DLGAP1: variants seen among roughly 807,000 people sequenced by gnomAD.
DLGAP1 encodes DLG associated protein 1, also known as disks large-associated protein 1.
A neutral mutation model predicts 90.8 loss-of-function variants in DLGAP1; 11 were observed. The observed-to-expected ratio is 0.12, with a 90% CI of 0.08 to 0.20. The LOEUF (loss-of-function observed/expected upper bound fraction) is 0.20. Among genes scored for constraint, DLGAP1 ranks in the 10% least tolerant of loss-of-function variants. DLGAP1 has a pLI of 1.00. For missense variants in DLGAP1, 1,050 were observed against 1,333.8 expected (o/e 0.79, Z 3.31); for synonymous variants, 558 against 540.7 (o/e 1.03, Z -0.44).
chr18:4,139,361 T>C (rs1485988138), intron 2 of DLGAP1, among the ~76,000 whole-genome samples: 1 of 152,030 alleles, frequency 6.6e-6, no homozygotes, highest in Non-Finnish European at 1.5e-5. Flanking sequence ...AATTTTCTTC[T>C]CAATTTCTTC....
intron 4 of DLGAP1, chr18:3,822,083 C>T: frequency 2.7e-6 from 2 of 748,570 alleles, no homozygotes; most frequent in South Asian, 1.2e-4. Context: ...GTGCAGATCC[C>T]TAGGCATGAT....
intron 3 of DLGAP1, among the ~76,000 whole-genome samples, chr18:3,880,944 G>GAAAAAAAAAAAAAA (rs1173817359): frequency 1.6e-3 from 60 of 38,028 alleles, no homozygotes; most frequent in Middle Eastern, 0.021. Flanking sequence ...CTCCATCTCA[G>GAAAAAAAAAAAAAA]AAAAAAAAAA....
chr18:3,918,081 T>C (rs183636151), intron 3 of DLGAP1, among the ~76,000 whole-genome samples: 15 of 152,302 alleles, frequency 9.8e-5, no homozygotes, highest in African/African-American at 3.4e-4. Flanking sequence ...CTAGAGGATC[T>C]TATATAGAAG....
chr18:4,028,931 A>G (rs924609113), intron 2 of DLGAP1, among the ~76,000 whole-genome samples: 3 of 152,164 alleles, frequency 2.0e-5, no homozygotes, highest in African/African-American at 7.2e-5. Flanking sequence ...TACATTAACA[A>G]TAGTCCCCAT....
At chr18:3,529,818 C>T (rs1334153034) in intron 10 of DLGAP1, among the ~76,000 whole-genome samples, 1 of 152,228 alleles carries the variant, frequency 6.6e-6, no homozygotes, top group Non-Finnish European at 1.5e-5. Context: ...TGTTCATTAT[C>T]TTGGGACTTT....
intron 7 of DLGAP1, among the ~76,000 whole-genome samples, chr18:3,612,183 C>T (rs901834468): frequency 4.6e-5 from 7 of 152,162 alleles, no homozygotes; most frequent in African/African-American, 1.7e-4. Context: ...TAGCAAGATC[C>T]GATCTCAAAA....
intron 9 of DLGAP1, among the ~76,000 whole-genome samples, chr18:3,542,461 A>G (rs1235589262): frequency 6.6e-6 from 1 of 152,232 alleles, no homozygotes; most frequent in African/African-American, 2.4e-5. Context: ...ATGCTGAAGG[A>G]AAAGAGTTCT....
chr18:3,711,630 G>A lies in DLGAP1; in HGVS notation c.1591+17505C>T, dbSNP rs916870210. Reference sequence around the variant, plus strand: ...GAGGCAGGAGGATCACTTGAGCCCAGGAGTCTGAGACCAGCCTGGGCAACA... The same window carrying A: ...GAGGCAGGAGGATCACTTGAGCCCAAGAGTCTGAGACCAGCCTGGGCAACA... On this transcript the variant is annotated intron_variant, in intron 7 of 12. Transcript: ENST00000315677. The surrounding 1 kb of genome is among the most constrained non-coding windows in gnomAD (Gnocchi z 4.0). Among the ~76,000 whole-genome samples, 1 of 152,134 alleles carries A rather than the reference G, an allele frequency of 6.6e-6. No homozygotes were observed. Among genetic ancestry groups the A allele is most frequent in the East Asian group, 1.9e-4 (1 of 5,184 alleles).
chr18:4,288,072 T>TTTTA (rs2079747827), intron 1 of DLGAP1, among the ~76,000 whole-genome samples: 1 of 150,908 alleles, frequency 6.6e-6, no homozygotes, highest in African/African-American at 2.4e-5. Context: ...ACAAATTTTT[T>TTTTA]ATTATTATAC....
intron 4 of DLGAP1, among the ~76,000 whole-genome samples, chr18:3,871,395 GA>G (rs975227458): frequency 1.3e-5 from 2 of 150,654 alleles, no homozygotes; most frequent in South Asian, 2.1e-4. Flanking sequence ...ATTTTAAGGG[GA>G]AAAAAACCCA....
chr18:4,319,821 G>T (rs1395904289), intron 1 of DLGAP1, among the ~76,000 whole-genome samples: 1 of 152,104 alleles, frequency 6.6e-6, no homozygotes, highest in Non-Finnish European at 1.5e-5. Context: ...TGAATTTTGG[G>T]AATAGGACTC....
Position 4,388,651 on chromosome 18 carries a change from T to C in DLGAP1, c.-267+66355A>G, listed in dbSNP as rs544375489. On this transcript the variant is annotated intron_variant, in intron 1 of 12. Transcript: ENST00000315677. ...CCAAATTTTTCTTTATCACAGTCTT[T>C]ACAAACTTCAGACTTCATATTAGGA... is the stretch of plus-strand genomic sequence containing the variant. 1.1e-3 allele frequency among the ~76,000 whole-genome samples: 174 copies of C among 152,292 alleles called. 1 individual carries two copies. The highest frequency in any genetic ancestry group is 1.9e-3 in the Non-Finnish European group (128 of 68,032).
intron 2 of DLGAP1, among the ~76,000 whole-genome samples, chr18:4,050,395 GTTC>G (rs2075116662): frequency 1.3e-5 from 2 of 152,240 alleles, no homozygotes; most frequent in South Asian, 4.2e-4. Flanking sequence ...GATATTATTT[GTTC>G]TTCAGAGCAT....
At chr18:3,822,681 C>T (rs1321458049) in intron 4 of DLGAP1, among the ~76,000 whole-genome samples, 1 of 152,156 alleles carries the variant, frequency 6.6e-6, no homozygotes. Flanking sequence ...GCAAATGCCA[C>T]TGATAAATAG....
chr18:4,221,748 A>G (rs368095741), intron 1 of DLGAP1, among the ~76,000 whole-genome samples: 5 of 152,278 alleles, frequency 3.3e-5, no homozygotes, highest in African/African-American at 1.2e-4. Flanking sequence ...GTTGACTTGT[A>G]CATGACTTTT....
At chr18:3,634,375 T>C (rs1324704419) in intron 7 of DLGAP1, among the ~76,000 whole-genome samples, 1 of 152,190 alleles carries the variant, frequency 6.6e-6, no homozygotes, top group East Asian at 1.9e-4. Flanking sequence ...AGTGAGATCC[T>C]TTTCTGTAGC....
chr18:3,710,222 C>G (rs1392983353), intron 7 of DLGAP1, among the ~76,000 whole-genome samples: 3 of 152,192 alleles, frequency 2.0e-5, no homozygotes, highest in African/African-American at 4.8e-5. Context: ...CTCACACACT[C>G]TTATCCTACT....
intron 3 of DLGAP1, among the ~76,000 whole-genome samples, chr18:3,989,634 AC>A (rs2073920257): frequency 6.6e-6 from 1 of 152,238 alleles, no homozygotes; most frequent in Admixed American, 6.5e-5. Flanking sequence ...AAGTTAAAAA[AC>A]AAAGGACCAA....
intron 1 of DLGAP1, among the ~76,000 whole-genome samples, chr18:4,236,763 G>C (rs2078425215): frequency 6.6e-6 from 1 of 151,724 alleles, no homozygotes; most frequent in Non-Finnish European, 1.5e-5. Context: ...TTTTCTAGCT[G>C]ATTTACAAAC....
Sources: allele counts gnomAD v4.1 joint callset (sites outside exome capture counted in the v4.1 genomes callset), GRCh38; gene constraint gnomAD v4.1.1; non-coding constraint Gnocchi (gnomAD v3.1); transcripts MANE v1.5; gene names NCBI Gene and HGNC (gene_info 2026-07-23, HGNC 2026-07-21).